Variants in PRKCZ observed in about 807,000 individuals in gnomAD.
The protein encoded by PRKCZ is protein kinase C zeta, also known as protein kinase C zeta type.
A neutral mutation model predicts 79.5 loss-of-function variants in PRKCZ; 33 were observed. That is an observed-to-expected ratio of 0.41 (90% CI 0.31 to 0.55). The LOEUF (loss-of-function observed/expected upper bound fraction) is 0.55, where lower values mean the gene tolerates loss of function less well. Among genes scored for constraint, PRKCZ ranks in the 20% least tolerant of loss-of-function variants. The pLI, the probability that PRKCZ is intolerant of heterozygous loss-of-function variation, is 0.19. For missense variants in PRKCZ, 578 were observed against 813.5 expected, an observed-to-expected ratio of 0.71 and a Z score of 3.52; for synonymous variants, 342 against 320.9, an observed-to-expected ratio of 1.07 and a Z score of -0.70.
chr1:2,144,723 C>G, intron 6 of PRKCZ: 2 of 816,860 alleles, frequency 2.4e-6, no homozygotes, highest in South Asian at 4.4e-5. Context: ...CTCCGAACAT[C>G]TGGAGCCTCT....
rs573503347 is a variant in PRKCZ at position 2,084,897 on chromosome 1, C to T, written c.334+25306C>T. On this transcript the variant is annotated intron_variant, in intron 4 of 17. Coordinates refer to ENST00000378567, the MANE Select transcript of PRKCZ (RefSeq NM_002744.6). ...GTGGTGCACACCTGTCGTTCCAGCT[C>T]CTCGGGGAGGCTGAGGTGGGAGGAT... 2.6e-5 allele frequency among the ~76,000 whole-genome samples: 4 copies of T among 152,100 alleles called. No individual in the cohort carries two copies. In the South Asian group the frequency reaches 8.3e-4, roughly 32 times the overall value.
Position 2,148,897 on chromosome 1 carries a change from G to A in PRKCZ, c.660G>A (p.Lys220=), listed in dbSNP as rs1284558321. 5 of 1,614,040 alleles carry A rather than the reference G, an allele frequency of 3.1e-6. No individual in the cohort carries two copies. Among genetic ancestry groups the A allele is most frequent in the Non-Finnish European group, 3.4e-6 (4 of 1,179,932 alleles). ...TTGCTTACATTTCCTCATCCCGGAAGCATGACAGCATTAAAGACGACTCGG... is the reference window on the plus strand; with the variant it reads ...TTGCTTACATTTCCTCATCCCGGAAACATGACAGCATTAAAGACGACTCGG... ...DGIAYISSSR[K]HDSIKDDSED... The change falls in exon 8 of 18, where the codon AAG becomes AAA. Residue 220 remains lysine, a synonymous_variant. Transcript: ENST00000378567.
chr1:2,055,667 A>C, intron 2 of PRKCZ, 105 bp downstream of exon 2: 1 of 1,461,368 alleles, frequency 6.8e-7, no homozygotes. Flanking sequence ...GGAGACTTAA[A>C]GCTGTGGAAT....
chr1:2,078,999 C>T (rs576413898), intron 4 of PRKCZ, among the ~76,000 whole-genome samples: 77 of 152,252 alleles, frequency 5.1e-4, no homozygotes, highest in East Asian at 2.9e-3. Context: ...CCCGCCACCA[C>T]GCCCAGCTAA....
chr1:2,089,231 C>CT (rs1665061648), intron 4 of PRKCZ, among the ~76,000 whole-genome samples: 1 of 104,976 alleles, frequency 9.5e-6, no homozygotes. Context: ...ATGGCAGACG[C>CT]CATGAGGAAG....
chr1:2,110,605 A>G (rs971734770), intron 4 of PRKCZ, among the ~76,000 whole-genome samples: 5 of 152,140 alleles, frequency 3.3e-5, no homozygotes, highest in African/African-American at 1.2e-4. Flanking sequence ...CCCTGAGTCC[A>G]CTGGGCCCTC....
intron 4 of PRKCZ, among the ~76,000 whole-genome samples, chr1:2,080,967 A>G (rs1663382674): frequency 1.3e-5 from 2 of 152,088 alleles, no homozygotes; most frequent in Non-Finnish European, 1.5e-5. Context: ...GCCTCCTTAT[A>G]TCGCTGGGTC....
intron 10 of PRKCZ, among the ~76,000 whole-genome samples, chr1:2,161,675 G>T (rs903700152): frequency 1.3e-5 from 2 of 152,200 alleles, no homozygotes; most frequent in African/African-American, 4.8e-5. Context: ...TCGGGGTCAC[G>T]TTAGGACCGG....
At chr1:2,154,373 C>T (rs1234736644) in intron 9 of PRKCZ, among the ~76,000 whole-genome samples, 2 of 152,046 alleles carry the variant, frequency 1.3e-5, no homozygotes, top group Non-Finnish European at 2.9e-5. Flanking sequence ...GATCTGCCTC[C>T]GAAGAGAAGG....
intron 4 of PRKCZ, among the ~76,000 whole-genome samples, chr1:2,111,291 C>T (rs761221214): frequency 3.7e-4 from 56 of 151,862 alleles, no homozygotes; most frequent in Non-Finnish European, 1.6e-4. Context: ...GGGAACCCCA[C>T]GGCAACTGTG....
At chr1:2,066,899 A>G (rs1190912055) in intron 4 of PRKCZ, among the ~76,000 whole-genome samples, 2 of 152,228 alleles carry the variant, frequency 1.3e-5, no homozygotes, top group Non-Finnish European at 1.5e-5. Context: ...TCACACACAC[A>G]AAAAGTTCAT....
intron 9 of PRKCZ, among the ~76,000 whole-genome samples, chr1:2,151,890 T>A (rs765182353): frequency 6.6e-6 from 1 of 152,042 alleles, no homozygotes; most frequent in Non-Finnish European, 1.5e-5. Flanking sequence ...CAGAGCATGA[T>A]CACGGTTCAC....
intron 9 of PRKCZ, 35 bp from the exon 10 acceptor site, chr1:2,155,960 G>A (rs200585072): frequency 3.8e-5 from 60 of 1,586,688 alleles, no homozygotes; most frequent in Non-Finnish European, 4.9e-5. Context: ...GGAGCATTCG[G>A]GAGCCTCATT....
intron 4 of PRKCZ, among the ~76,000 whole-genome samples, chr1:2,118,118 T>C (rs1225159104): frequency 6.7e-6 from 1 of 149,660 alleles, no homozygotes; most frequent in Non-Finnish European, 1.5e-5. Context: ...TGCCTGAGCC[T>C]CCTGAGTAGT....
Position 2,165,801 on chromosome 1 carries a change from C to T in PRKCZ, c.975-3717C>T, listed in dbSNP as rs182036508. ...AGGGCTGTGGTTCCTCCCTCTGAGC[C>T]GGGCACCTTGCATTCCTGGAAGGGG... On this transcript the variant is annotated intron_variant, in intron 10 of 17. Transcript: ENST00000378567. The surrounding 1 kb of genome is among the most constrained non-coding windows in gnomAD (Gnocchi z 4.1). Among the ~76,000 whole-genome samples the T allele has an allele frequency of 1.9e-4, 29 of 152,260 alleles. No homozygotes were observed. The highest frequency in any genetic ancestry group is 6.5e-4 in the Admixed American group (10 of 15,298).
At chr1:2,102,530 C>T (rs547497786) in intron 4 of PRKCZ, among the ~76,000 whole-genome samples, 30 of 151,848 alleles carry the variant, frequency 2.0e-4, no homozygotes, top group Middle Eastern at 3.4e-3. Flanking sequence ...GATGGGGTTT[C>T]ACTGTGTTAG....
chr1:2,087,365 G>A (rs2102446354), intron 4 of PRKCZ, among the ~76,000 whole-genome samples: 1 of 152,230 alleles, frequency 6.6e-6, no homozygotes, highest in South Asian at 2.1e-4. Context: ...TTATAGGTGT[G>A]AGCTGTTGCG....
rs74910915 is a variant in PRKCZ, at chr1:2,054,264, G to A, written c.72-1177G>A. Among the ~76,000 whole-genome samples the A allele has an allele frequency of 6.1e-3, 928 of 152,240 alleles. 54 individuals are homozygous for A. In the East Asian group the frequency reaches 0.13, roughly 22 times the overall value. ...TTTATAGGCCCTGTGCTCTTGCCCC[G>A]CGCTCTTGTGGGTGTCAGAAAGCCG... On this transcript the variant is annotated intron_variant, in intron 1 of 17. Coordinates refer to ENST00000378567, the MANE Select transcript of PRKCZ (RefSeq NM_002744.6).
At chr1:2,051,964 T>C (rs573762873) in intron 1 of PRKCZ, among the ~76,000 whole-genome samples, 5 of 152,150 alleles carry the variant, frequency 3.3e-5, no homozygotes, top group Non-Finnish European at 2.9e-5. Context: ...TCTGGGGGAC[T>C]GACCGTCCAG....
Sources: gnomAD v4.1 joint callset for allele counts (sites outside exome capture counted in the v4.1 genomes callset) on GRCh38, gnomAD v4.1.1 for gene constraint, Gnocchi (gnomAD v3.1) non-coding constraint, MANE v1.5 for transcripts, NCBI Gene and HGNC (gene_info 2026-07-23, HGNC 2026-07-21) for gene names.